MACROD2: variants seen among roughly 807,000 people sequenced by gnomAD.
MACROD2 encodes the protein mono-ADP ribosylhydrolase 2.
In MACROD2, 36 loss-of-function variants were observed where a neutral mutation model predicts 70.4. The ratio of observed to expected loss-of-function variants is 0.51; its 90% CI spans 0.39 to 0.68. The LOEUF (loss-of-function observed/expected upper bound fraction) is 0.68, where lower values mean the gene tolerates loss of function less well. MACROD2 is among the 30% of genes least tolerant of loss of function. The pLI is 0.00. For synonymous variants in MACROD2, 172 were observed against 178.8 expected, an observed-to-expected ratio of 0.96 and a Z score of 0.30; for missense variants, 496 against 538.4, an observed-to-expected ratio of 0.92 and a Z score of 0.78.
intron 8 of MACROD2, among the ~76,000 whole-genome samples, chr20:15,523,353 C>G (rs958766127): frequency 1.3e-5 from 2 of 152,126 alleles, no homozygotes; most frequent in Admixed American, 1.3e-4. Flanking sequence ...TTAGAGCCAT[C>G]ACAGTTTTAG....
At chr20:14,672,462 G>C (rs1185490896) in intron 4 of MACROD2, among the ~76,000 whole-genome samples, 1 of 152,190 alleles carries the variant, frequency 6.6e-6, no homozygotes, top group Non-Finnish European at 1.5e-5. Flanking sequence ...CTAGATTCAA[G>C]TGGTAGGGAA....
chr20:15,619,610 C>G (rs2049095619), intron 8 of MACROD2: 3 of 452,394 alleles, frequency 6.6e-6, no homozygotes, highest in Admixed American at 3.1e-5. Context: ...TGCTTATTCT[C>G]CTATTTGGCT....
At chr20:14,734,473 C>T (rs896006885) in intron 5 of MACROD2, among the ~76,000 whole-genome samples, 5 of 150,068 alleles carry the variant, frequency 3.3e-5, no homozygotes, top group African/African-American at 9.8e-5. Context: ...TGCACTCCAG[C>T]CTGGGTAACA....
intron 8 of MACROD2, among the ~76,000 whole-genome samples, chr20:15,673,469 G>C (rs1907319751): frequency 6.6e-6 from 1 of 152,156 alleles, no homozygotes; most frequent in Admixed American, 6.5e-5. Context: ...TCAGAAGTAT[G>C]AACCCTCAGT....
At chr20:15,173,131 A>C (rs1444566779) in intron 5 of MACROD2, among the ~76,000 whole-genome samples, 1 of 152,034 alleles carries the variant, frequency 6.6e-6, no homozygotes, top group Admixed American at 6.6e-5. Context: ...TGCAAATTTT[A>C]AATAATAAAT....
At position 15,887,216 on chromosome 20, in the gene MACROD2, A is replaced by G. The variant is rs191389902; in HGVS notation, c.775+1405A>G. 2.0e-3 allele frequency among the ~76,000 whole-genome samples: 311 copies of G among 152,216 alleles called. 1 individual carries two copies. The highest frequency in any genetic ancestry group is 7.1e-3 in the African/African-American group (296 of 41,558). ...ATCTCTCTCCCTCCCCGGACTGCCCACTATCTTCAAGGGGAAATAACACCA... is the reference window on the plus strand; with the variant it reads ...ATCTCTCTCCCTCCCCGGACTGCCCGCTATCTTCAAGGGGAAATAACACCA... On this transcript the variant is annotated intron_variant, in intron 10 of 17. Transcript: ENST00000684519.
chr20:15,402,414 T>C (rs1323455155), intron 6 of MACROD2, among the ~76,000 whole-genome samples: 2 of 152,240 alleles, frequency 1.3e-5, no homozygotes, highest in Non-Finnish European at 2.9e-5. Flanking sequence ...TTGAGAACTA[T>C]AAATATTTTA....
At chr20:15,076,836 G>T (rs1287092681) in intron 5 of MACROD2, among the ~76,000 whole-genome samples, 3 of 152,074 alleles carry the variant, frequency 2.0e-5, no homozygotes, top group Non-Finnish European at 2.9e-5. Flanking sequence ...ACTCCACATA[G>T]CAATGAAGGA....
At chr20:14,107,988 G>A (rs1601232809) in intron 3 of MACROD2, among the ~76,000 whole-genome samples, 1 of 152,054 alleles carries the variant, frequency 6.6e-6, no homozygotes, top group African/African-American at 2.4e-5. Context: ...TTATAACACT[G>A]TAATTGTGGT....
chr20:14,731,732 T>C (rs1002691944), intron 5 of MACROD2, among the ~76,000 whole-genome samples: 4 of 152,148 alleles, frequency 2.6e-5, no homozygotes, highest in African/African-American at 7.2e-5. Context: ...GATATGTGCC[T>C]TTTTTCACTC....
rs1471327400 is a variant in MACROD2, at chr20:14,874,673, A to G, written c.418+189714A>G. ...CAATAACATGAACAAAAAAGGTTGT[A>G]TTTATTTATTTATTTATTTATTTAT... On this transcript the variant is annotated intron_variant, in intron 5 of 17. Coordinates refer to ENST00000684519, the MANE Select transcript of MACROD2 (RefSeq NM_001351661.2). 1.7e-4 allele frequency among the ~76,000 whole-genome samples: 7 copies of G among 42,098 alleles called. No individual in the cohort carries two copies. In the East Asian group the frequency reaches 3.5e-3, roughly 21 times the overall value. 27.6% of individuals were successfully genotyped at this position (42,098 alleles called of 152,430 possible).
At chr20:14,977,462 TACACACACAC>T (rs3045702) in intron 5 of MACROD2, among the ~76,000 whole-genome samples, 135 of 135,086 alleles carry the variant, frequency 1.0e-3, no homozygotes, top group Non-Finnish European at 1.3e-3. Flanking sequence ...AAGAAAAAGA[TACACACACAC>T]ACACACACAC....
chr20:14,269,542 G>A (rs1309975300), intron 3 of MACROD2, among the ~76,000 whole-genome samples: 1 of 152,056 alleles, frequency 6.6e-6, no homozygotes, highest in Non-Finnish European at 1.5e-5. Flanking sequence ...GAAGTATTTT[G>A]GGGGTAAAGA....
At chr20:14,863,073 G>GGGTT (rs2073389932) in intron 5 of MACROD2, among the ~76,000 whole-genome samples, 2 of 151,932 alleles carry the variant, frequency 1.3e-5, no homozygotes, top group Non-Finnish European at 2.9e-5. Flanking sequence ...CATTCTCCAA[G>GGGTT]GGTTGGCTTC....
chr20:14,828,375 C>A (rs142171006), intron 5 of MACROD2, among the ~76,000 whole-genome samples: 42 of 152,236 alleles, frequency 2.8e-4, no homozygotes, highest in African/African-American at 9.9e-4. Context: ...AAAATACCAT[C>A]CAGAATAACA....
intron 3 of MACROD2, among the ~76,000 whole-genome samples, chr20:14,168,690 C>A (rs1156408632): frequency 6.6e-6 from 1 of 152,070 alleles, no homozygotes; most frequent in African/African-American, 2.4e-5. Flanking sequence ...AGTTTCACTG[C>A]CCTAAAAAAC....
chr20:15,970,880 T>C lies in MACROD2; in HGVS notation c.985+3250T>C, dbSNP rs372363407. ...AGAACTCTGAAGGTTTTTGCCTTAG[T>C]AGCAGAGCAAAACAGGCAATAGACT... is the stretch of plus-strand genomic sequence containing the variant. On this transcript the variant is annotated intron_variant, in intron 13 of 17. Coordinates refer to ENST00000684519, the MANE Select transcript of MACROD2 (RefSeq NM_001351661.2). Among the ~76,000 whole-genome samples, 11 of 152,280 alleles carry C rather than the reference T, an allele frequency of 7.2e-5. No homozygotes were observed. In the East Asian group the frequency reaches 1.4e-3, roughly 19 times the overall value.
chr20:15,061,734 A>C (rs1224398106), intron 5 of MACROD2, among the ~76,000 whole-genome samples: 1 of 152,224 alleles, frequency 6.6e-6, no homozygotes, highest in East Asian at 1.9e-4. Context: ...GGGGCTTTGC[A>C]GGTAAAGCAA....
chr20:14,105,882 C>G (rs1157186595), intron 3 of MACROD2, among the ~76,000 whole-genome samples: 1 of 152,150 alleles, frequency 6.6e-6, no homozygotes, highest in Admixed American at 6.5e-5. Context: ...CAAAAGAGAA[C>G]CTGCGGCCTT....
Sources: gnomAD v4.1 joint callset for allele counts (sites outside exome capture counted in the v4.1 genomes callset) on GRCh38, gnomAD v4.1.1 for gene constraint, MANE v1.5 for transcripts, NCBI Gene and HGNC (gene_info 2026-07-23, HGNC 2026-07-21) for gene names.